RGSL1: variants seen among roughly 807,000 people sequenced by gnomAD.
The protein encoded by RGSL1 is regulator of G protein signaling like 1.
In RGSL1, 97 loss-of-function variants were observed where a neutral mutation model predicts 124.7. The observed-to-expected ratio is 0.78, with a 90% CI of 0.66 to 0.92. RGSL1 has a LOEUF of 0.92. Ranked by LOEUF, RGSL1 falls within the 40% of genes least tolerant of loss-of-function variation. The pLI is 0.00. For synonymous variants in RGSL1, 424 were observed against 438.1 expected, an observed-to-expected ratio of 0.97 and a Z score of 0.40; for missense variants, 1,233 against 1,288.4, an observed-to-expected ratio of 0.96 and a Z score of 0.66.
rs542411333 is a variant in RGSL1 at position 182,528,246 on chromosome 1, ACCTGGTC to A, written c.2125+476_2125+482del. ...CCACCCCCATGATTCAATTATCTCC[ACCTGGTC>A]CTGCCCGTGACACATGGGGATTATT... is the stretch of plus-strand genomic sequence containing the variant. On this transcript the variant is annotated intron_variant, in intron 11 of 21. Transcript: ENST00000294854. 1.7e-3 allele frequency among the ~76,000 whole-genome samples: 265 copies of A among 152,136 alleles called. 2 individuals carry two copies. The highest frequency in any genetic ancestry group is 3.0e-3 in the Non-Finnish European group (205 of 67,984).
chr1:182,457,045 G>A (rs1454745137), intron 2 of RGSL1, among the ~76,000 whole-genome samples: 3 of 152,102 alleles, frequency 2.0e-5, no homozygotes, highest in Non-Finnish European at 4.4e-5. Flanking sequence ...TACTAGGGAG[G>A]CTGAGGTAGG....
In RGSL1 at chr1:182,503,974, CTTTT is replaced by C. The variant is rs71124902; in HGVS notation, c.1825+10866_1825+10869del. Among the ~76,000 whole-genome samples the C allele has an allele frequency of 9.3e-5, 11 of 118,228 alleles. 2 individuals carry two copies. The highest frequency in any genetic ancestry group is 2.6e-4 in the East Asian group (1 of 3,918). 77.6% of individuals were successfully genotyped at this position (118,228 alleles called of 152,430 possible). A position where few individuals can be genotyped will look rare whatever the true frequency, so the allele number is the denominator to read the frequency against. The stretch of plus-strand genomic sequence containing the variant: ...TTTTATTTGGTCCCTTTTGTAATTT[CTTTT>C]TTTTTTTTTTTTTTTTTTTTGAGAC... On this transcript the variant is annotated intron_variant, in intron 9 of 21. Coordinates refer to ENST00000294854, the MANE Select transcript of RGSL1 (RefSeq NM_001137669.2).
chr1:182,556,088 T>A lies in RGSL1; in HGVS notation c.*31T>A. 1 of 1,545,294 alleles carries A rather than the reference T, an allele frequency of 6.5e-7. No individual in the cohort carries two copies. The highest frequency in any genetic ancestry group is 8.8e-7 in the Non-Finnish European group (1 of 1,141,606). On this transcript the variant is annotated 3_prime_UTR_variant, in exon 21 of 22. Transcript: ENST00000294854. ...CGAGACCCCCAGCAGAGATAAATCA[T>A]CTCTTAGAGGCCTCCTAACACTGAC...
At chr1:182,496,549 C>A (rs527429989) in intron 9 of RGSL1, among the ~76,000 whole-genome samples, 1 of 152,260 alleles carries the variant, frequency 6.6e-6, no homozygotes, top group East Asian at 1.9e-4. Context: ...CAAGATTATC[C>A]TTTTCAGGTC....
At chr1:182,548,856 G>A (rs1487385347) in intron 17 of RGSL1, 32 bp downstream of exon 17, 11 of 1,549,058 alleles carry the variant, frequency 7.1e-6, no homozygotes, top group Middle Eastern at 1.7e-4. Flanking sequence ...GTGACTGTTA[G>A]GTCAGGAAAA....
intron 9 of RGSL1, among the ~76,000 whole-genome samples, chr1:182,513,948 C>A (rs1434635103): frequency 2.0e-5 from 3 of 147,674 alleles, no homozygotes; most frequent in Non-Finnish European, 4.4e-5. Flanking sequence ...GATGAGAGTG[C>A]AATGGTGTGA....
intron 11 of RGSL1, among the ~76,000 whole-genome samples, chr1:182,528,217 GA>G (rs1461997704): frequency 2.0e-5 from 3 of 151,962 alleles, no homozygotes; most frequent in Non-Finnish European, 4.4e-5. Flanking sequence ...CAGCATGGGG[GA>G]AACCACCCCC....
At chr1:182,453,078 T>G (rs887617929) in intron 1 of RGSL1, among the ~76,000 whole-genome samples, 3 of 152,218 alleles carry the variant, frequency 2.0e-5, no homozygotes, top group Non-Finnish European at 2.9e-5. Flanking sequence ...CTAGAGGAGT[T>G]AGTTGCTTCA....
intron 9 of RGSL1, among the ~76,000 whole-genome samples, chr1:182,508,109 T>C (rs1476123848): frequency 6.6e-6 from 1 of 152,114 alleles, no homozygotes; most frequent in Non-Finnish European, 1.5e-5. Flanking sequence ...CTCCATACTA[T>C]TTTTCATACT....
intron 19 of RGSL1, 101 bp from the exon 20 acceptor site, chr1:182,554,526 C>T (rs1660748872): frequency 1.5e-5 from 15 of 968,592 alleles, no homozygotes; most frequent in Admixed American, 8.0e-5. Context: ...TGGAGGTGTC[C>T]GTGGAAGCCC....
chr1:182,533,122 TTAA>T (rs1293850533), intron 14 of RGSL1, among the ~76,000 whole-genome samples: 1 of 152,178 alleles, frequency 6.6e-6, no homozygotes, highest in Non-Finnish European at 1.5e-5. Context: ...ATACATGCTG[TTAA>T]TAAAGAGGTA....
chr1:182,523,040 A>T (rs374430019), intron 10 of RGSL1, among the ~76,000 whole-genome samples: 1 of 150,226 alleles, frequency 6.7e-6, no homozygotes, highest in African/African-American at 2.5e-5. Context: ...TTTTTAATTA[A>T]TTTTTTTTTC....
chr1:182,551,260 G>A, intron 18 of RGSL1, 51 bp downstream of exon 18: 1 of 1,465,426 alleles, frequency 6.8e-7, no homozygotes, highest in Non-Finnish European at 9.3e-7. Context: ...CAAGACTTGT[G>A]AAGAGAAAGC....
At chr1:182,519,873 C>T (rs952433003) in intron 9 of RGSL1, among the ~76,000 whole-genome samples, 5 of 151,882 alleles carry the variant, frequency 3.3e-5, no homozygotes, top group African/African-American at 4.8e-5. Flanking sequence ...ACTTTTCTTA[C>T]TTATAATCAT....
At chr1:182,486,229 C>A (rs896773282) in intron 6 of RGSL1, among the ~76,000 whole-genome samples, 1 of 149,882 alleles carries the variant, frequency 6.7e-6, no homozygotes, top group Non-Finnish European at 1.5e-5. Context: ...CTAGTTATTT[C>A]TTTTAATTGA....
intron 15 of RGSL1, among the ~76,000 whole-genome samples, chr1:182,542,001 G>T (rs1221513981): frequency 6.6e-6 from 1 of 152,092 alleles, no homozygotes; most frequent in Admixed American, 6.6e-5. Flanking sequence ...TGGATAGTTT[G>T]CAAATATTTT....
At chr1:182,558,069 AGGAAGGAAGGAG>A (rs1286938082) in intron 21 of RGSL1, among the ~76,000 whole-genome samples, 22 of 152,098 alleles carry the variant, frequency 1.4e-4, no homozygotes, top group African/African-American at 5.3e-4. Context: ...GAAGGAAGGA[AGGAAGGAAGGAG>A]GGAAGGAAGG....
intron 9 of RGSL1, among the ~76,000 whole-genome samples, chr1:182,503,974 CTTTTTT>C (rs71124902): frequency 2.5e-5 from 3 of 118,226 alleles, no homozygotes; most frequent in East Asian, 2.6e-4. Flanking sequence ...TTTGTAATTT[CTTTTTT>C]TTTTTTTTTT....
chr1:182,559,202 C>G (rs1036879078), intron 21 of RGSL1, among the ~76,000 whole-genome samples: 74 of 152,250 alleles, frequency 4.9e-4, no homozygotes, highest in Non-Finnish European at 2.9e-5. Context: ...GATCCCTAGC[C>G]CCTAGCTTCT....
Sources: allele counts gnomAD v4.1 joint callset (sites outside exome capture counted in the v4.1 genomes callset), GRCh38; gene constraint gnomAD v4.1.1; transcripts MANE v1.5; gene names NCBI Gene and HGNC (gene_info 2026-07-23, HGNC 2026-07-21).